CTNND2: variants seen among roughly 807,000 people sequenced by gnomAD.
CTNND2 encodes catenin delta 2, also known as catenin delta-2.
In CTNND2, 22 loss-of-function variants were observed where a neutral mutation model predicts 144.4. The observed-to-expected ratio is 0.15, with a 90% confidence interval of 0.11 to 0.22. CTNND2 has a LOEUF of 0.22. Ranked by LOEUF, CTNND2 falls within the 10% of genes least tolerant of loss-of-function variation. The pLI, the probability that CTNND2 is intolerant of heterozygous loss-of-function variation, is 1.00. For synonymous variants in CTNND2, 751 were observed against 695.6 expected (o/e 1.08, Z -1.25); for missense variants, 1,353 against 1,618.8 (o/e 0.84, Z 2.82).
intron 11 of CTNND2, among the ~76,000 whole-genome samples, chr5:11,165,527 C>T (rs71599563): frequency 0.025 from 3,750 of 152,198 alleles, 123 homozygotes; most frequent in South Asian, 0.031. Context: ...ATGCTAATTC[C>T]TTCCAGATTA....
chr5:11,273,065 T>C (rs1433769810), intron 9 of CTNND2, among the ~76,000 whole-genome samples: 3 of 152,180 alleles, frequency 2.0e-5, no homozygotes, highest in African/African-American at 7.2e-5. Context: ...AATATTGATA[T>C]TATGAATTGT....
intron 3 of CTNND2, among the ~76,000 whole-genome samples, chr5:11,423,676 G>A (rs948529420): frequency 6.6e-6 from 1 of 152,148 alleles, no homozygotes; most frequent in East Asian, 1.9e-4. Context: ...TCACTCCTCT[G>A]TTCCTCTAAA....
Position 11,904,421 on chromosome 5 carries a change from C to T in CTNND2, c.-568G>A, listed in dbSNP as rs1738170277. Among the ~76,000 whole-genome samples, 5 of 151,898 alleles carry T rather than the reference C, an allele frequency of 3.3e-5. No homozygotes were observed. The South Asian group carries it at 1.0e-3, about 31-fold the overall frequency. ...CCCGGCTAGTGAGGGAGCGTCCGCC[C>T]CGCCGCCGAAACCGGCCCCGGGTGC... On this transcript the variant is annotated 5_prime_UTR_variant, in exon 1 of 22. Coordinates refer to ENST00000304623, the MANE Select transcript of CTNND2 (RefSeq NM_001332.4). The surrounding 1 kb of genome is among the most constrained non-coding windows in gnomAD (Gnocchi z 4.2).
intron 9 of CTNND2, among the ~76,000 whole-genome samples, chr5:11,287,048 C>T (rs763732651): frequency 1.3e-4 from 20 of 152,136 alleles, no homozygotes; most frequent in Admixed American, 2.0e-4. Flanking sequence ...TCAATAACAC[C>T]GTTGAGAAAA....
At chr5:11,279,722 G>A (rs918844192) in intron 9 of CTNND2, among the ~76,000 whole-genome samples, 6 of 152,202 alleles carry the variant, frequency 3.9e-5, no homozygotes, top group African/African-American at 1.2e-4. Flanking sequence ...GAAGCATGGT[G>A]GCATCTGCTT....
intron 1 of CTNND2, among the ~76,000 whole-genome samples, chr5:11,855,199 TGAAA>T (rs1227103629): frequency 2.6e-5 from 4 of 152,152 alleles, no homozygotes; most frequent in Non-Finnish European, 5.9e-5. Context: ...ACCCACAGGT[TGAAA>T]CAGGGACAGC....
At chr5:11,610,987 G>T (rs1261852540) in intron 2 of CTNND2, among the ~76,000 whole-genome samples, 2 of 152,164 alleles carry the variant, frequency 1.3e-5, no homozygotes, top group African/African-American at 4.8e-5. Context: ...GTTTGGCTGT[G>T]TCCCCACCCA....
intron 2 of CTNND2, among the ~76,000 whole-genome samples, chr5:11,652,508 T>G (rs1782695438): frequency 2.0e-5 from 3 of 152,236 alleles, no homozygotes; most frequent in South Asian, 2.1e-4. Context: ...CTATTTATAT[T>G]GTATTGACAT....
At chr5:11,833,541 T>C (rs966816130) in intron 1 of CTNND2, among the ~76,000 whole-genome samples, 2 of 152,182 alleles carry the variant, frequency 1.3e-5, no homozygotes, top group South Asian at 2.1e-4. Flanking sequence ...TTTTTTGTTT[T>C]GAGACAGAGT....
At chr5:11,900,200 A>G (rs961803851) in intron 1 of CTNND2, among the ~76,000 whole-genome samples, 2 of 152,164 alleles carry the variant, frequency 1.3e-5, no homozygotes, top group African/African-American at 4.8e-5. Context: ...ATTATTTCCA[A>G]TTTGTCAAAA....
At chr5:11,771,453 T>TAAAGAAACATA (rs1365535419) in intron 1 of CTNND2, among the ~76,000 whole-genome samples, 2 of 151,698 alleles carry the variant, frequency 1.3e-5, no homozygotes, top group Non-Finnish European at 2.9e-5. Context: ...AAATGAAAAA[T>TAAAGAAACATA]AAGGAACATA....
rs145669488 is a variant in CTNND2, at chr5:11,260,069, A to G, written c.1629-23246T>C. 1.3e-4 allele frequency among the ~76,000 whole-genome samples: 20 copies of G among 152,334 alleles called. 1 individual carries two copies. The highest frequency in any genetic ancestry group is 5.9e-4 in the Admixed American group (9 of 15,294). ...GTGAAATAATCTATCAGTCTGTTTC[A>G]TTACATCCGAGATGGCCCTTCCTTG... On this transcript the variant is annotated intron_variant, in intron 9 of 21. Coordinates refer to ENST00000304623, the MANE Select transcript of CTNND2 (RefSeq NM_001332.4).
chr5:11,773,110 AG>A (rs1365924636), intron 1 of CTNND2, among the ~76,000 whole-genome samples: 1 of 152,200 alleles, frequency 6.6e-6, no homozygotes, highest in East Asian at 1.9e-4. Context: ...ATGCCAGTGG[AG>A]CCCAATAAAC....
chr5:11,731,512 GCT>G (rs1272698982), intron 2 of CTNND2, among the ~76,000 whole-genome samples: 2 of 152,052 alleles, frequency 1.3e-5, no homozygotes, highest in Admixed American at 1.3e-4. Flanking sequence ...TGATCGTCCA[GCT>G]CTCTTTATTT....
chr5:11,700,432 T>C (rs915340508), intron 2 of CTNND2, among the ~76,000 whole-genome samples: 4 of 152,186 alleles, frequency 2.6e-5, no homozygotes, highest in South Asian at 4.2e-4. Context: ...GATTTAATTA[T>C]TGAAGGTGAG....
At chr5:11,220,413 C>T (rs1739669283) in intron 10 of CTNND2, among the ~76,000 whole-genome samples, 1 of 152,162 alleles carries the variant, frequency 6.6e-6, no homozygotes, top group Non-Finnish European at 1.5e-5. Flanking sequence ...AAGGGAAATG[C>T]AGACAGGAGC....
intron 16 of CTNND2, among the ~76,000 whole-genome samples, chr5:11,062,628 C>T (rs61431098): frequency 0.099 from 15,129 of 152,256 alleles, 1,380 homozygotes; most frequent in East Asian, 0.42. Context: ...ACGCCAAGCT[C>T]ATAGCTATAG....
chr5:10,979,824 ATGT>A (rs1431899715), intron 21 of CTNND2, among the ~76,000 whole-genome samples: 2 of 152,198 alleles, frequency 1.3e-5, no homozygotes, highest in African/African-American at 4.8e-5. Context: ...TATTTAATAA[ATGT>A]TGTTGGGAAA....
chr5:11,728,225 C>T lies in CTNND2; in HGVS notation c.174+3911G>A, dbSNP rs567331022. Among the ~76,000 whole-genome samples, 5 of 152,146 alleles carry T rather than the reference C, an allele frequency of 3.3e-5. No individual in the cohort carries two copies. In the South Asian group the frequency reaches 1.0e-3, roughly 32 times the overall value. On this transcript the variant is annotated intron_variant, in intron 2 of 21. Coordinates refer to ENST00000304623, the MANE Select transcript of CTNND2 (RefSeq NM_001332.4). The stretch of plus-strand genomic sequence containing the variant: ...CGGTGGCTCACGCCTGTAATCCCAG[C>T]ACTTTGGGAGGCCGAGGCTGGTGGG...
Sources: allele counts gnomAD v4.1 joint callset (sites outside exome capture counted in the v4.1 genomes callset), GRCh38; gene constraint gnomAD v4.1.1; non-coding constraint Gnocchi (gnomAD v3.1); transcripts MANE v1.5; gene names NCBI Gene and HGNC (gene_info 2026-07-23, HGNC 2026-07-21).